The following SBF2 variants were observed in gnomAD, a reference collection of about 807,000 sequenced individuals.
SBF2 encodes SET binding factor 2, also known as myotubularin-related protein 13.
Under a neutral mutation model 225.2 loss-of-function variants are expected in SBF2, and 112 were observed. That is an observed-to-expected ratio of 0.50 (90% CI 0.43 to 0.58). SBF2 has a LOEUF of 0.58. Among genes scored for constraint, SBF2 ranks in the 20% least tolerant of loss-of-function variants. The pLI is 0.00. For synonymous variants in SBF2, 763 were observed against 773.3 expected, an observed-to-expected ratio of 0.99 and a Z score of 0.22; for missense variants, 1,996 against 2,206.2, an observed-to-expected ratio of 0.90 and a Z score of 1.91.
chr11:9,875,417 G>C (rs1248473602), intron 17 of SBF2, among the ~76,000 whole-genome samples: 3 of 152,158 alleles, frequency 2.0e-5, no homozygotes, highest in Non-Finnish European at 4.4e-5. Flanking sequence ...TTAATGTCTA[G>C]TGGTTTGCTA....
intron 2 of SBF2, among the ~76,000 whole-genome samples, chr11:10,160,576 T>C (rs1035749004): frequency 9.9e-5 from 15 of 152,226 alleles, no homozygotes; most frequent in African/African-American, 2.9e-4. Flanking sequence ...GAAGAGATTA[T>C]GAGTCATCTT....
At position 10,294,109 on chromosome 11, in the gene SBF2, C is replaced by A; in HGVS notation, c.-40G>T. The A allele has an allele frequency of 7.7e-7, 1 of 1,307,098 alleles. No individual in the cohort carries two copies. The highest frequency in any genetic ancestry group is 9.7e-7 in the Non-Finnish European group (1 of 1,027,520). The allele number at this position is 1,307,098 out of a possible 1,614,324, so 81.0% of individuals were successfully genotyped here. A position where few individuals can be genotyped will look rare whatever the true frequency, so the allele number is the denominator to read the frequency against. ...CGCTCGGGAAGCGGGTCCCCGTCGC[C>A]GCCCTCGCCGCCGCCGCCCACCCGG... is the stretch of plus-strand genomic sequence containing the variant. On this transcript the variant is annotated 5_prime_UTR_variant, in exon 1 of 40. Coordinates refer to ENST00000256190, the MANE Select transcript of SBF2 (RefSeq NM_030962.4).
intron 13 of SBF2, among the ~76,000 whole-genome samples, chr11:9,972,760 C>T (rs1230017657): frequency 2.0e-5 from 3 of 152,170 alleles, no homozygotes; most frequent in Non-Finnish European, 4.4e-5. Context: ...GGATTACAGG[C>T]GTAAGCCACC....
At chr11:9,961,934 A>G in intron 16 of SBF2, 23 bp downstream of exon 16, 2 of 1,602,042 alleles carry the variant, frequency 1.2e-6, no homozygotes, top group Non-Finnish European at 1.7e-6. Context: ...TAAGAGGAAT[A>G]ATCTGAAAGA....
rs1012805320 is a variant in SBF2 at position 10,207,287 on chromosome 11, C to CA, written c.56-13301dup. On this transcript the variant is annotated intron_variant, in intron 1 of 39. Coordinates refer to ENST00000256190, the MANE Select transcript of SBF2 (RefSeq NM_030962.4). ...GAGGAAAATCCAGACATTCTTGGAC[C>CA]AAAAAAAACAAAGCAAAAAAAACTA... Among the ~76,000 whole-genome samples, 37 of 150,994 alleles carry CA rather than the reference C, an allele frequency of 2.5e-4. No homozygotes were observed. In the South Asian group the frequency reaches 2.7e-3, roughly 11 times the overall value.
intron 1 of SBF2, among the ~76,000 whole-genome samples, chr11:10,195,830 A>G (rs1957337468): frequency 3.3e-5 from 5 of 152,234 alleles, no homozygotes; most frequent in African/African-American, 2.4e-5. Context: ...TAACTTATCT[A>G]TCTCTTGTTA....
At chr11:10,230,211 T>C (rs1031873017) in intron 1 of SBF2, among the ~76,000 whole-genome samples, 4 of 152,184 alleles carry the variant, frequency 2.6e-5, no homozygotes, top group Admixed American at 6.6e-5. Flanking sequence ...TGTCGCTGCA[T>C]GTGAGATGGG....
At chr11:10,010,448 T>C (rs56379921) in intron 6 of SBF2, among the ~76,000 whole-genome samples, 13,289 of 152,204 alleles carry the variant, frequency 0.087, 667 homozygotes, top group Middle Eastern at 0.17. Context: ...TTTCAGTTTT[T>C]TGCATATGGC....
At chr11:9,959,890 G>A (rs1866450914) in intron 16 of SBF2, 1 of 405,542 alleles carries the variant, frequency 2.5e-6, no homozygotes. Flanking sequence ...CAGAAACTCT[G>A]CTCTTCTCCC....
At chr11:9,934,510 G>C (rs918701816) in intron 16 of SBF2, among the ~76,000 whole-genome samples, 1 of 152,112 alleles carries the variant, frequency 6.6e-6, no homozygotes, top group Non-Finnish European at 1.5e-5. Context: ...CAGAAAAAGA[G>C]AATTTTAGAT....
At chr11:9,821,569 A>C (rs1234935058) in intron 28 of SBF2, among the ~76,000 whole-genome samples, 1 of 152,192 alleles carries the variant, frequency 6.6e-6, no homozygotes, top group Non-Finnish European at 1.5e-5. Flanking sequence ...GATTTCCTGA[A>C]TGATTTCTAG....
chr11:10,298,327 G>A (rs554421913), upstream of SBF2, among the ~76,000 whole-genome samples: 6 of 152,278 alleles, frequency 3.9e-5, no homozygotes, highest in Non-Finnish European at 8.8e-5. Context: ...GGAGGCAGAG[G>A]TTGCAGTGAG....
At chr11:9,857,577 T>C (rs1311849883) in intron 18 of SBF2, among the ~76,000 whole-genome samples, 1 of 152,156 alleles carries the variant, frequency 6.6e-6, no homozygotes, top group African/African-American at 2.4e-5. Context: ...TATGAGACAC[T>C]AAAATCTCAT....
rs555393635 is a variant in SBF2 at position 10,001,681 on chromosome 11, T to C, written c.753-659A>G. On this transcript the variant is annotated intron_variant, in intron 7 of 39. Coordinates refer to ENST00000256190, the MANE Select transcript of SBF2 (RefSeq NM_030962.4). Reference sequence around the variant, plus strand: ...CTGGGACTACAGGCGCCTGCCACCATGCCCGGCTAGCTTTTTCTATTTTTT... The same window carrying C: ...CTGGGACTACAGGCGCCTGCCACCACGCCCGGCTAGCTTTTTCTATTTTTT... Among the ~76,000 whole-genome samples the C allele has an allele frequency of 2.5e-3, 381 of 152,184 alleles. 2 individuals carry two copies. Among genetic ancestry groups the C allele is most frequent in the South Asian group, 5.4e-3 (26 of 4,814 alleles).
At chr11:10,258,265 T>C (rs1961075372) in intron 1 of SBF2, among the ~76,000 whole-genome samples, 1 of 152,028 alleles carries the variant, frequency 6.6e-6, no homozygotes, top group African/African-American at 2.4e-5. Context: ...CTACCACATC[T>C]AGCTAATTTT....
intron 28 of SBF2, among the ~76,000 whole-genome samples, chr11:9,826,948 C>T (rs1855107002): frequency 6.6e-6 from 1 of 152,072 alleles, no homozygotes; most frequent in Admixed American, 6.5e-5. Flanking sequence ...ACTGATTCTC[C>T]TGTCTCAGCC....
chr11:9,975,177 GAA>G (rs1946629643), intron 13 of SBF2, among the ~76,000 whole-genome samples: 1 of 152,022 alleles, frequency 6.6e-6, no homozygotes, highest in African/African-American at 2.4e-5. Context: ...TCATACAAGA[GAA>G]ATGAAAACTT....
At chr11:10,246,408 C>T (rs1368588991) in intron 1 of SBF2, among the ~76,000 whole-genome samples, 3 of 152,178 alleles carry the variant, frequency 2.0e-5, no homozygotes, top group East Asian at 1.9e-4. Flanking sequence ...CTCAGCCTCC[C>T]GAGTAGCTGG....
chr11:10,096,387 C>A (rs1952024507), intron 2 of SBF2, among the ~76,000 whole-genome samples: 1 of 139,838 alleles, frequency 7.2e-6, no homozygotes, highest in African/African-American at 2.6e-5. Flanking sequence ...GTATTTTTAA[C>A]TACTCAATTT....
Sources: gnomAD v4.1 joint callset for allele counts (sites outside exome capture counted in the v4.1 genomes callset) on GRCh38, gnomAD v4.1.1 for gene constraint, MANE v1.5 for transcripts, NCBI Gene and HGNC (gene_info 2026-07-23, HGNC 2026-07-21) for gene names.